EXOC6B: variants seen among roughly 807,000 people sequenced by gnomAD.
The protein encoded by EXOC6B is exocyst complex component 6B.
A neutral mutation model predicts 113.5 loss-of-function variants in EXOC6B; 54 were observed. The observed-to-expected ratio is 0.48, with a 90% confidence interval of 0.38 to 0.60. EXOC6B has a LOEUF of 0.60. Ranked by LOEUF, EXOC6B falls within the 20% of genes least tolerant of loss-of-function variation. The pLI is 0.00. For missense variants in EXOC6B, 797 were observed against 977.5 expected (o/e 0.82, Z 2.46); for synonymous variants, 357 against 339.0 (o/e 1.05, Z -0.58).
At chr2:72,247,495 T>C (rs1050727204) in intron 20 of EXOC6B, among the ~76,000 whole-genome samples, 16 of 152,224 alleles carry the variant, frequency 1.1e-4, no homozygotes, top group Non-Finnish European at 5.9e-5. Flanking sequence ...AAAAAGTTTC[T>C]AATCTCCCTG....
At chr2:72,362,574 T>A (rs1238643768) in intron 19 of EXOC6B, among the ~76,000 whole-genome samples, 3 of 152,284 alleles carry the variant, frequency 2.0e-5, no homozygotes, top group African/African-American at 7.2e-5. Context: ...CAGGAATTAG[T>A]ATTTCTAGTT....
intron 1 of EXOC6B, among the ~76,000 whole-genome samples, chr2:72,799,495 AG>A (rs1359961467): frequency 1.3e-5 from 2 of 151,708 alleles, no homozygotes; most frequent in Admixed American, 6.6e-5. Context: ...AGTTGAGCCC[AG>A]GAGGCCGAAG....
chr2:72,824,597 C>T (rs1437259868), intron 1 of EXOC6B, among the ~76,000 whole-genome samples: 2 of 152,086 alleles, frequency 1.3e-5, no homozygotes, highest in Admixed American at 1.3e-4. Context: ...TTTCCTGAGT[C>T]AACTTACCCC....
chr2:72,801,691 A>G (rs1685280123), intron 1 of EXOC6B, among the ~76,000 whole-genome samples: 1 of 152,244 alleles, frequency 6.6e-6, no homozygotes, highest in African/African-American at 2.4e-5. Flanking sequence ...CAAAACCACG[A>G]TGGAAATTTG....
chr2:72,217,729 G>C (rs1255599432), intron 20 of EXOC6B, among the ~76,000 whole-genome samples: 1 of 152,144 alleles, frequency 6.6e-6, no homozygotes, highest in African/African-American at 2.4e-5. Flanking sequence ...TTCCTTCTTG[G>C]GGTCTGCTTC....
chr2:72,773,481 A>G (rs1026608790), intron 1 of EXOC6B, among the ~76,000 whole-genome samples: 8 of 151,364 alleles, frequency 5.3e-5, no homozygotes, highest in Admixed American at 5.3e-4. Context: ...ATGTGAGTTG[A>G]TGAATATGTT....
In EXOC6B at chr2:72,575,568, T is replaced by G. The variant is rs1414523683; in HGVS notation, c.770A>C (p.Glu257Ala). 6.2e-7 allele frequency: 1 copy of G among 1,612,092 alleles called. No homozygotes were observed. The highest frequency in any genetic ancestry group is 2.2e-5 in the East Asian group (1 of 44,786). ...AGACTTCGGACTAGTACTTTCTATC[T>G]CTGTATCAAAGATTATATATGCATC... ...KKDAYIIFDTEIESTSPKSEQ... is the reference protein window; with the variant it reads ...KKDAYIIFDTAIESTSPKSEQ... The change falls in exon 7 of 22, where the codon GAG (glutamate) becomes GCG (alanine). Residue 257 changes from glutamate (E) to alanine (A), a missense_variant. Coordinates refer to ENST00000272427, the MANE Select transcript of EXOC6B (RefSeq NM_015189.3).
intron 15 of EXOC6B, among the ~76,000 whole-genome samples, chr2:72,493,157 A>G (rs1203560832): frequency 6.6e-6 from 1 of 152,114 alleles, no homozygotes; most frequent in East Asian, 1.9e-4. Context: ...TCTTTCTCAC[A>G]TGAATGGTAG....
At chr2:72,401,494 C>CAT (rs1170388566) in intron 18 of EXOC6B, among the ~76,000 whole-genome samples, 1,245 of 59,554 alleles carry the variant, frequency 0.021, 69 homozygotes, top group South Asian at 0.043. Context: ...ATTTTATATA[C>CAT]ATATATATAT....
chr2:72,734,480 TA>T (rs1680830775), intron 2 of EXOC6B, among the ~76,000 whole-genome samples: 1 of 152,192 alleles, frequency 6.6e-6, no homozygotes, highest in Admixed American at 6.5e-5. Context: ...TCTGTTTCCA[TA>T]AAGGGCTAGA....
intron 19 of EXOC6B, among the ~76,000 whole-genome samples, chr2:72,368,036 T>A (rs1239985636): frequency 1.3e-5 from 2 of 151,916 alleles, no homozygotes; most frequent in African/African-American, 4.8e-5. Flanking sequence ...AGGATTAGGG[T>A]GGTATGTGAC....
intron 8 of EXOC6B, among the ~76,000 whole-genome samples, chr2:72,523,545 G>C (rs1439144733): frequency 6.6e-6 from 1 of 152,090 alleles, no homozygotes; most frequent in Non-Finnish European, 1.5e-5. Flanking sequence ...TTGGGAGGCC[G>C]AGGCGGGCAG....
intron 17 of EXOC6B, among the ~76,000 whole-genome samples, chr2:72,469,138 A>G (rs1698241453): frequency 6.6e-6 from 1 of 152,128 alleles, no homozygotes; most frequent in Non-Finnish European, 1.5e-5. Context: ...TCATTGAGAT[A>G]TCAAGTTCTG....
chr2:72,576,679 C>A (rs1376409506), intron 6 of EXOC6B, among the ~76,000 whole-genome samples: 2 of 152,084 alleles, frequency 1.3e-5, no homozygotes, highest in African/African-American at 4.8e-5. Context: ...TCCCATGAAG[C>A]CTTCTTATAG....
At chr2:72,751,063 A>G (rs188039148) in intron 1 of EXOC6B, among the ~76,000 whole-genome samples, 1 of 152,252 alleles carries the variant, frequency 6.6e-6, no homozygotes, top group East Asian at 1.9e-4. Context: ...AAAAGAAAAA[A>G]AAACTATCAA....
chr2:72,779,791 G>T (rs1683920043), intron 1 of EXOC6B, among the ~76,000 whole-genome samples: 1 of 152,162 alleles, frequency 6.6e-6, no homozygotes, highest in South Asian at 2.1e-4. Flanking sequence ...ACAAAAAAAA[G>T]AAAGTCCTTT....
At chr2:72,360,762 A>G (rs928739974) in intron 19 of EXOC6B, among the ~76,000 whole-genome samples, 2 of 152,060 alleles carry the variant, frequency 1.3e-5, no homozygotes, top group Non-Finnish European at 2.9e-5. Flanking sequence ...GTTGATTTCA[A>G]GTTTCTGTTG....
chr2:72,405,258 A>T (rs190828730), intron 18 of EXOC6B, among the ~76,000 whole-genome samples: 1 of 151,922 alleles, frequency 6.6e-6, no homozygotes, highest in Non-Finnish European at 1.5e-5. Flanking sequence ...GGAGAATGGA[A>T]CCAAGTCAGA....
At chr2:72,179,660 C>G (rs1677962287) in intron 21 of EXOC6B, among the ~76,000 whole-genome samples, 199 bp from the exon 22 acceptor site, 1 of 152,116 alleles carries the variant, frequency 6.6e-6, no homozygotes, top group African/African-American at 2.4e-5. Flanking sequence ...CTCCCAACTT[C>G]AGTCACCTTT....
Sources: gnomAD v4.1 joint callset for allele counts (sites outside exome capture counted in the v4.1 genomes callset) on GRCh38, gnomAD v4.1.1 for gene constraint, MANE v1.5 for transcripts, NCBI Gene and HGNC (gene_info 2026-07-23, HGNC 2026-07-21) for gene names.